The following KIAA1958 variants were observed in gnomAD, a reference collection of about 807,000 sequenced individuals.
The protein encoded by KIAA1958 is KIAA1958, also known as uncharacterized protein KIAA1958.
In KIAA1958, 14 loss-of-function variants were observed where a neutral mutation model predicts 47.2. The observed-to-expected ratio is 0.30, with a 90% CI of 0.20 to 0.46. KIAA1958 has a LOEUF of 0.46. KIAA1958 is among the 20% of genes least tolerant of loss of function. The probability of loss-of-function intolerance (pLI) is 1.00; values close to 1 mark genes in which losing one functional copy is unlikely to be tolerated. For synonymous variants in KIAA1958, 354 were observed against 353.3 expected, an observed-to-expected ratio of 1.00 and a Z score of -0.02; for missense variants, 803 against 909.2, an observed-to-expected ratio of 0.88 and a Z score of 1.50.
chr9:112,551,877 A>G (rs1835157914), intron 1 of KIAA1958, among the ~76,000 whole-genome samples: 1 of 152,218 alleles, frequency 6.6e-6, no homozygotes, highest in African/African-American at 2.4e-5. Context: ...TTTGCATGTG[A>G]TTAAAGCAGT....
At chr9:112,613,775 TAG>T (rs1836366387) in intron 2 of KIAA1958, among the ~76,000 whole-genome samples, 1 of 152,204 alleles carries the variant, frequency 6.6e-6, no homozygotes, top group Non-Finnish European at 1.5e-5. Flanking sequence ...TAACAGTATT[TAG>T]TGTTGCTGAA....
chr9:112,533,694 G>A (rs1834806612), intron 1 of KIAA1958, among the ~76,000 whole-genome samples: 1 of 152,152 alleles, frequency 6.6e-6, no homozygotes, highest in African/African-American at 2.4e-5. Context: ...TTTTCACAGG[G>A]TGGCAGGAGA....
chr9:112,513,601 C>T (rs1440763334), intron 1 of KIAA1958, among the ~76,000 whole-genome samples: 1 of 132,062 alleles, frequency 7.6e-6, no homozygotes, highest in Non-Finnish European at 1.6e-5. Context: ...GCCGCTGCCG[C>T]GACCGACCGC....
At chr9:112,652,073 C>T (rs950512317) in intron 3 of KIAA1958, among the ~76,000 whole-genome samples, 2 of 152,052 alleles carry the variant, frequency 1.3e-5, no homozygotes. Context: ...ACTATGTTAC[C>T]CAGGCTGATT....
At chr9:112,647,552 G>A (rs905227584) in intron 3 of KIAA1958, among the ~76,000 whole-genome samples, 2 of 152,088 alleles carry the variant, frequency 1.3e-5, no homozygotes, top group African/African-American at 2.4e-5. Context: ...ATTTAGACAC[G>A]AAGGCCTTTA....
At chr9:112,523,762 A>G (rs147810942) in intron 1 of KIAA1958, among the ~76,000 whole-genome samples, 17 of 152,352 alleles carry the variant, frequency 1.1e-4, no homozygotes, top group African/African-American at 4.1e-4. Flanking sequence ...GGTTTAAGAC[A>G]GGACTCAAGT....
At chr9:112,568,946 A>AAAG (rs2131167656) in intron 1 of KIAA1958, among the ~76,000 whole-genome samples, 1 of 142,698 alleles carries the variant, frequency 7.0e-6, no homozygotes, top group Non-Finnish European at 1.5e-5. Context: ...TAAAAAAAAA[A>AAAG]AAAAAAAAAA....
At chr9:112,619,923 GTC>G (rs1342787590) in intron 2 of KIAA1958, among the ~76,000 whole-genome samples, 3 of 152,124 alleles carry the variant, frequency 2.0e-5, no homozygotes, top group African/African-American at 7.2e-5. Flanking sequence ...GCATTAAACA[GTC>G]TCTTTTCTCC....
At chr9:112,626,275 T>C (rs1338667495) in intron 2 of KIAA1958, among the ~76,000 whole-genome samples, 1 of 152,192 alleles carries the variant, frequency 6.6e-6, no homozygotes, top group Non-Finnish European at 1.5e-5. Flanking sequence ...AGCATAAATA[T>C]TTAAACGTTT....
chr9:112,603,632 C>A (rs959927130), intron 2 of KIAA1958, among the ~76,000 whole-genome samples: 3 of 152,192 alleles, frequency 2.0e-5, no homozygotes, highest in Non-Finnish European at 2.9e-5. Flanking sequence ...AAACTCAATG[C>A]ATAATTGCAC....
At chr9:112,592,964 A>G (rs1359459226) in intron 2 of KIAA1958, among the ~76,000 whole-genome samples, 1 of 152,226 alleles carries the variant, frequency 6.6e-6, no homozygotes, top group Non-Finnish European at 1.5e-5. Context: ...CATTTTTATG[A>G]AAGAAAAAAA....
intron 3 of KIAA1958, among the ~76,000 whole-genome samples, chr9:112,654,567 G>A (rs555565809): frequency 1.8e-4 from 28 of 152,000 alleles, no homozygotes; most frequent in African/African-American, 6.3e-4. Context: ...GAGTCCGCTC[G>A]TTCTGATATC....
At chr9:112,619,189 C>T (rs1836457128) in intron 2 of KIAA1958, 1 of 174,584 alleles carries the variant, frequency 5.7e-6, no homozygotes. Context: ...TCTCAGGCAA[C>T]ACAAAGTAGA....
intron 1 of KIAA1958, among the ~76,000 whole-genome samples, chr9:112,572,829 A>C (rs1382097255): frequency 6.6e-6 from 1 of 152,184 alleles, no homozygotes. Flanking sequence ...ATGTTAAAGG[A>C]TTTGAACTTA....
At position 112,661,110 on chromosome 9, in the gene KIAA1958, G is replaced by A. The variant is rs888796383; in HGVS notation, c.*1041G>A. The A allele has an allele frequency of 6.6e-6, 1 of 152,140 alleles. No individual in the cohort carries two copies. Among genetic ancestry groups the A allele is most frequent in the African/African-American group, 2.4e-5 (1 of 41,412 alleles). 9.4% of individuals were successfully genotyped at this position (152,140 alleles called of 1,614,324 possible). A position where few individuals can be genotyped will look rare whatever the true frequency, so the allele number is the denominator to read the frequency against. On this transcript the variant is annotated 3_prime_UTR_variant, in exon 4 of 4. Coordinates refer to ENST00000337530, the MANE Select transcript of KIAA1958 (RefSeq NM_133465.4). ...TATTAAAGAGATTTGGAATATTTTT[G>A]TCAATGTATGACTTTTCAGCCACAA...
rs982715805 is a variant in KIAA1958 at position 112,667,254 on chromosome 9, A to G, written c.*7185A>G. The G allele has an allele frequency of 6.6e-6, 1 of 152,188 alleles. No individual in the cohort carries two copies. Among genetic ancestry groups the G allele is most frequent in the African/African-American group, 2.4e-5 (1 of 41,440 alleles). The allele number at this position is 152,188 out of a possible 1,614,324, so 9.4% of individuals were successfully genotyped here. A position where few individuals can be genotyped will look rare whatever the true frequency, so the allele number is the denominator to read the frequency against. On this transcript the variant is annotated 3_prime_UTR_variant, in exon 4 of 4. Coordinates refer to ENST00000337530, the MANE Select transcript of KIAA1958 (RefSeq NM_133465.4). The stretch of plus-strand genomic sequence containing the variant: ...GAAAGGACCACGTTTAAGGATGAGT[A>G]TAGAGAAAAAAATAAAATGAGGCAT...
intron 1 of KIAA1958, among the ~76,000 whole-genome samples, chr9:112,511,679 T>C (rs1199247013): frequency 6.6e-6 from 1 of 152,054 alleles, no homozygotes; most frequent in Non-Finnish European, 1.5e-5. Flanking sequence ...AGAAGAAATA[T>C]CAGAGCATAA....
At chr9:112,582,396 A>G (rs1027952013) in intron 2 of KIAA1958, 1 of 152,462 alleles carries the variant, frequency 6.6e-6, no homozygotes, top group Non-Finnish European at 1.5e-5. Flanking sequence ...TAAAAATTAA[A>G]AAAATTTTTA....
chr9:112,587,960 TG>T (rs1835854778), intron 2 of KIAA1958, among the ~76,000 whole-genome samples: 1 of 152,220 alleles, frequency 6.6e-6, no homozygotes, highest in African/African-American at 2.4e-5. Context: ...ATTTGATTGT[TG>T]GGTTATTAAA....
Sources: gnomAD v4.1 joint callset for allele counts (sites outside exome capture counted in the v4.1 genomes callset) on GRCh38, gnomAD v4.1.1 for gene constraint, MANE v1.5 for transcripts, NCBI Gene and HGNC (gene_info 2026-07-23, HGNC 2026-07-21) for gene names.